The following AGPAT3 variants were observed in gnomAD, a reference collection of about 807,000 sequenced individuals.
The protein encoded by AGPAT3 is 1-acyl-sn-glycerol-3-phosphate acyltransferase gamma.
A neutral mutation model predicts 47.3 loss-of-function variants in AGPAT3; 5 were observed. The observed-to-expected ratio is 0.11, with a 90% CI of 0.06 to 0.22. The LOEUF (loss-of-function observed/expected upper bound fraction) is 0.22. Among genes scored for constraint, AGPAT3 ranks in the 10% least tolerant of loss-of-function variants. The pLI, the probability that AGPAT3 is intolerant of heterozygous loss-of-function variation, is 1.00. For missense variants in AGPAT3, 315 were observed against 493.0 expected (o/e 0.64, Z 3.42); for synonymous variants, 212 against 208.3 (o/e 1.02, Z -0.15).
chr21:43,931,144 G>A (rs2146279432), intron 2 of AGPAT3, among the ~76,000 whole-genome samples: 1 of 152,254 alleles, frequency 6.6e-6, no homozygotes, highest in Admixed American at 6.5e-5. Context: ...CTGGATGAGG[G>A]GGAGTGTCAG....
At chr21:43,919,297 T>G (rs990563208) in intron 2 of AGPAT3, among the ~76,000 whole-genome samples, 10 of 151,924 alleles carry the variant, frequency 6.6e-5, no homozygotes, top group Non-Finnish European at 1.3e-4. Context: ...CAATATAGAG[T>G]CTCTATCCCT....
chr21:43,911,862 A>G (rs2086638729), intron 2 of AGPAT3, among the ~76,000 whole-genome samples: 1 of 152,202 alleles, frequency 6.6e-6, no homozygotes, highest in Non-Finnish European at 1.5e-5. Context: ...CCTAGTCACG[A>G]GGCTGCTGTG....
chr21:43,986,542 G>A lies in AGPAT3; in HGVS notation c.*4150G>A, dbSNP rs1387320748. 6.6e-6 allele frequency: 1 copy of A among 152,644 alleles called. No individual in the cohort carries two copies. The highest frequency in any genetic ancestry group is 1.5e-5 in the Non-Finnish European group (1 of 68,040). The allele number at this position is 152,644 out of a possible 1,614,324, so 9.5% of individuals were successfully genotyped here. A position where few individuals can be genotyped will look rare whatever the true frequency, so the allele number is the denominator to read the frequency against. Reference sequence around the variant, plus strand: ...GAGTTACTTGATACAATGAAGAAATGCATCTGATCTACTTGTATTTATTGT... The same window carrying A: ...GAGTTACTTGATACAATGAAGAAATACATCTGATCTACTTGTATTTATTGT... On this transcript the variant is annotated 3_prime_UTR_variant, in exon 10 of 10. Coordinates refer to ENST00000291572, the MANE Select transcript of AGPAT3 (RefSeq NM_020132.5).
At chr21:43,962,775 G>A (rs1031765967) in intron 3 of AGPAT3, among the ~76,000 whole-genome samples, 12 of 152,194 alleles carry the variant, frequency 7.9e-5, no homozygotes, top group Non-Finnish European at 1.3e-4. Flanking sequence ...AGAGGCAAAC[G>A]AAAGTACACT....
intron 1 of AGPAT3, among the ~76,000 whole-genome samples, chr21:43,878,252 G>A (rs1300374059): frequency 6.6e-6 from 1 of 152,194 alleles, no homozygotes; most frequent in Non-Finnish European, 1.5e-5. Context: ...CCTTTTGCCT[G>A]GTGACTTCGA....
intron 1 of AGPAT3, among the ~76,000 whole-genome samples, chr21:43,878,501 G>C (rs182126443): frequency 1.3e-5 from 2 of 152,310 alleles, no homozygotes; most frequent in Non-Finnish European, 1.5e-5. Context: ...ATGCCGCTCC[G>C]TTTTCCCAGT....
rs572613094 is a variant in AGPAT3 at position 43,908,042 on chromosome 21, G to A, written c.-49+4023G>A. Among the ~76,000 whole-genome samples, 19 of 152,186 alleles carry A rather than the reference G, an allele frequency of 1.2e-4. No homozygotes were observed. Among genetic ancestry groups the A allele is most frequent in the Non-Finnish European group, 2.5e-4 (17 of 68,028 alleles). On this transcript the variant is annotated intron_variant, in intron 2 of 9. Transcript: ENST00000291572. The surrounding 1 kb of genome is among the most constrained non-coding windows in gnomAD (Gnocchi z 4.9). ...GGGATGATGGTCTTCGGAGGAGGGC[G>A]CTGGCTCAGGCACCCCAGGGACGCT...
chr21:43,937,040 T>G (rs1333293722), intron 2 of AGPAT3, among the ~76,000 whole-genome samples: 1 of 152,234 alleles, frequency 6.6e-6, no homozygotes, highest in Non-Finnish European at 1.5e-5. Context: ...AATTCTCCAT[T>G]CACGTACTGT....
At chr21:43,943,641 G>A (rs73226947) in intron 2 of AGPAT3, among the ~76,000 whole-genome samples, 2 of 151,978 alleles carry the variant, frequency 1.3e-5, no homozygotes, top group African/African-American at 4.8e-5. Flanking sequence ...GGGGCACCTC[G>A]GTTCCCTGCG....
chr21:43,949,082 C>T (rs901263531), intron 2 of AGPAT3, among the ~76,000 whole-genome samples: 1 of 152,116 alleles, frequency 6.6e-6, no homozygotes, highest in Non-Finnish European at 1.5e-5. Context: ...ATTTTCCTGG[C>T]TTTTCTTCCC....
intron 1 of AGPAT3, among the ~76,000 whole-genome samples, chr21:43,888,483 C>G (rs987885924): frequency 2.0e-5 from 3 of 152,166 alleles, no homozygotes; most frequent in African/African-American, 7.2e-5. Context: ...CCGTGGCACA[C>G]GTTTACCTGT....
intron 1 of AGPAT3, among the ~76,000 whole-genome samples, chr21:43,884,732 G>A (rs1029215643): frequency 2.5e-4 from 38 of 151,956 alleles, no homozygotes; most frequent in Non-Finnish European, 5.0e-4. Context: ...GTCTGGTGCT[G>A]GATGCTGGGT....
chr21:43,916,868 C>T lies in AGPAT3; in HGVS notation c.-49+12849C>T, dbSNP rs1046339995. 1.1e-4 allele frequency among the ~76,000 whole-genome samples: 17 copies of T among 152,264 alleles called. No homozygotes were observed. The East Asian group carries it at 1.4e-3, about 12-fold the overall frequency. On this transcript the variant is annotated intron_variant, in intron 2 of 9. Coordinates refer to ENST00000291572, the MANE Select transcript of AGPAT3 (RefSeq NM_020132.5). ...GCCTCTCTGGGTTTTTGTTTCACTT[C>T]GGTCGAGTTTTTGGTGGTGTTGAGC...
intron 1 of AGPAT3, among the ~76,000 whole-genome samples, chr21:43,892,290 A>G (rs934086655): frequency 2.0e-5 from 3 of 151,502 alleles, no homozygotes; most frequent in South Asian, 2.1e-4. Flanking sequence ...CCGGGCAACA[A>G]GAGCAAAACT....
chr21:43,910,048 G>C (rs749388573), intron 2 of AGPAT3, among the ~76,000 whole-genome samples: 1 of 152,170 alleles, frequency 6.6e-6, no homozygotes, highest in Non-Finnish European at 1.5e-5. Context: ...TGTTCTTTCC[G>C]GGTTAAAACC....
chr21:43,865,961 G>A (rs953691573), intron 1 of AGPAT3, among the ~76,000 whole-genome samples: 4 of 152,096 alleles, frequency 2.6e-5, no homozygotes, highest in Admixed American at 2.6e-4. Context: ...CCGGCGGCGC[G>A]TTTGCACCGG....
At chr21:43,918,241 T>TTGCGGCGGTTGTGGGTGTTGTGGGTGG in intron 2 of AGPAT3, among the ~76,000 whole-genome samples, 1 of 151,608 alleles carries the variant, frequency 6.6e-6, no homozygotes, top group African/African-American at 2.4e-5. Flanking sequence ...GTTGTGGGTG[T>TTGCGGCGGTTGTGGGTGTTGTGGGTGG]TGTAGGTGGC....
At chr21:43,895,270 AATTTTTTTGT>A (rs1054131117) in intron 1 of AGPAT3, among the ~76,000 whole-genome samples, 52 of 151,560 alleles carry the variant, frequency 3.4e-4, no homozygotes, top group African/African-American at 1.2e-3. Context: ...ATGCCCAGCT[AATTTTTTTGT>A]ATTTTTTTAT....
intron 2 of AGPAT3, chr21:43,925,047 TTG>T (rs2087008686): frequency 6.6e-6 from 1 of 152,210 alleles, no homozygotes; most frequent in Non-Finnish European, 1.5e-5. Flanking sequence ...TTGGCCTCTT[TTG>T]TGAGTGTGGG....
Sources: allele counts gnomAD v4.1 joint callset (sites outside exome capture counted in the v4.1 genomes callset), GRCh38; gene constraint gnomAD v4.1.1; non-coding constraint Gnocchi (gnomAD v3.1); transcripts MANE v1.5; gene names NCBI Gene and HGNC (gene_info 2026-07-23, HGNC 2026-07-21).